Variants in MAF observed in about 807,000 individuals in gnomAD.
MAF encodes MAF bZIP transcription factor, also known as transcription factor Maf.
Under a neutral mutation model 22.0 loss-of-function variants are expected in MAF, and 10 were observed. That is an observed-to-expected ratio of 0.45 (90% CI 0.28 to 0.77). MAF has a LOEUF of 0.77. Among genes scored for constraint, MAF ranks in the 30% least tolerant of loss-of-function variants. The pLI is 0.12. For missense variants in MAF, 544 were observed against 548.4 expected (o/e 0.99, Z 0.08); for synonymous variants, 337 against 255.8 (o/e 1.32, Z -3.03).
chr16:79,558,612 C>T, the MAF span, among the ~76,000 whole-genome samples: 13 of 152,162 alleles, frequency 8.5e-5, no homozygotes, highest in Non-Finnish European at 1.3e-4. Flanking sequence ...GATAGCTGTG[C>T]CCCTGGAAGC....
At chr16:79,229,258 C>T in the MAF span, 1 of 151,834 alleles carries the variant, frequency 6.6e-6, no homozygotes, top group Non-Finnish European at 1.5e-5. Flanking sequence ...CTCCCAACCC[C>T]TTGGAAACGG....
chr16:79,282,851 G>A, the MAF span, among the ~76,000 whole-genome samples: 2 of 152,202 alleles, frequency 1.3e-5, no homozygotes, highest in African/African-American at 4.8e-5. Flanking sequence ...GTCTCAGGGT[G>A]GACTGTGGGC....
the MAF span, among the ~76,000 whole-genome samples, chr16:79,210,979 A>C: frequency 1.3e-5 from 2 of 151,998 alleles, no homozygotes; most frequent in African/African-American, 2.4e-5. Context: ...TTTTCATGGG[A>C]TCTGGATGAA....
the MAF span, among the ~76,000 whole-genome samples, chr16:79,320,961 G>A: frequency 6.6e-6 from 1 of 152,150 alleles, no homozygotes; most frequent in Non-Finnish European, 1.5e-5. Flanking sequence ...GAAGAAGATG[G>A]GATTTGAACC....
the MAF span, among the ~76,000 whole-genome samples, chr16:79,407,744 C>T: frequency 6.6e-6 from 1 of 152,014 alleles, no homozygotes; most frequent in Non-Finnish European, 1.5e-5. Flanking sequence ...AGCACAAGAG[C>T]ACCCCTCCGT....
the MAF span, among the ~76,000 whole-genome samples, chr16:79,412,757 G>C: frequency 3.3e-5 from 5 of 152,288 alleles, no homozygotes; most frequent in South Asian, 4.1e-4. Context: ...GCCTACTCCA[G>C]AGCTTAAAGC....
the MAF span, among the ~76,000 whole-genome samples, chr16:79,536,609 T>G: frequency 2.6e-4 from 40 of 152,222 alleles, no homozygotes; most frequent in East Asian, 2.7e-3. Flanking sequence ...ACCATTGCAC[T>G]CCAGCCTGGG....
At chr16:79,416,592 C>A in the MAF span, among the ~76,000 whole-genome samples, 25 of 151,706 alleles carry the variant, frequency 1.6e-4, no homozygotes, top group South Asian at 2.9e-3. Context: ...AGGGAGTGGC[C>A]GTACCCCCAC....
chr16:79,214,383 C>A, the MAF span, among the ~76,000 whole-genome samples: 1 of 152,158 alleles, frequency 6.6e-6, no homozygotes, highest in African/African-American at 2.4e-5. Context: ...AAAATAATTT[C>A]CATCATTGTG....
chr16:79,400,761 T>A, the MAF span, among the ~76,000 whole-genome samples: 1 of 152,272 alleles, frequency 6.6e-6, no homozygotes, highest in African/African-American at 2.4e-5. Flanking sequence ...CCAGGACTCC[T>A]GGCGCCCAAG....
chr16:79,565,275 G>T, the MAF span, among the ~76,000 whole-genome samples: 1 of 152,110 alleles, frequency 6.6e-6, no homozygotes, highest in Non-Finnish European at 1.5e-5. Flanking sequence ...ACACAACCAG[G>T]GGCATTCATT....
At chr16:79,519,381 G>C in the MAF span, among the ~76,000 whole-genome samples, 1 of 152,186 alleles carries the variant, frequency 6.6e-6, no homozygotes, top group Non-Finnish European at 1.5e-5. Flanking sequence ...GCCCATGATG[G>C]AGAGAACATC....
chr16:79,206,861 T>C, the MAF span: 1 of 152,218 alleles, frequency 6.6e-6, no homozygotes, highest in Non-Finnish European at 1.5e-5. Flanking sequence ...TATGAACAAA[T>C]GCAATTTGTG....
chr16:79,528,692 G>A, the MAF span, among the ~76,000 whole-genome samples: 1 of 151,874 alleles, frequency 6.6e-6, no homozygotes, highest in Non-Finnish European at 1.5e-5. Context: ...AGAGAAGCCA[G>A]TGGAAAGCTT....
At chr16:79,476,843 T>G in the MAF span, among the ~76,000 whole-genome samples, 2 of 152,202 alleles carry the variant, frequency 1.3e-5, no homozygotes, top group Non-Finnish European at 2.9e-5. Flanking sequence ...CCTTGGTGTC[T>G]CCATCACTGA....
chr16:79,591,484 T>G (rs1002185267), downstream of MAF, among the ~76,000 whole-genome samples: 3 of 152,188 alleles, frequency 2.0e-5, no homozygotes, highest in African/African-American at 7.2e-5. Flanking sequence ...TAGGGAAAAC[T>G]GTTATTTAGT....
At chr16:79,248,384 G>C in the MAF span, among the ~76,000 whole-genome samples, 6 of 152,016 alleles carry the variant, frequency 3.9e-5, no homozygotes, top group Non-Finnish European at 8.8e-5. Flanking sequence ...CACTTCTTTA[G>C]CTCTCTAATT....
the MAF span, among the ~76,000 whole-genome samples, chr16:79,498,408 C>T: frequency 9.3e-3 from 1,414 of 152,242 alleles, 12 homozygotes; most frequent in Middle Eastern, 0.017. Flanking sequence ...GAAGGAATAT[C>T]CTTAGAAGAA....
At chr16:79,547,951 C>T in the MAF span, among the ~76,000 whole-genome samples, 1 of 62,596 alleles carries the variant, frequency 1.6e-5, no homozygotes, top group Non-Finnish European at 4.2e-5. Flanking sequence ...AGAATAGCAT[C>T]GATGGTATAG....
Sources: allele counts gnomAD v4.1 joint callset (sites outside exome capture counted in the v4.1 genomes callset), GRCh38; gene constraint gnomAD v4.1.1; transcripts MANE v1.5; gene names NCBI Gene and HGNC (gene_info 2026-07-23, HGNC 2026-07-21).